Variants in POLA1 observed in about 807,000 individuals in gnomAD.
POLA1 encodes the protein DNA polymerase alpha catalytic subunit.
In POLA1, 15 loss-of-function variants were observed where a neutral mutation model predicts 124.0. The ratio of observed to expected loss-of-function variants is 0.12; its 90% CI spans 0.08 to 0.19. POLA1 has a LOEUF of 0.19. Ranked by LOEUF, POLA1 falls within the 10% of genes least tolerant of loss-of-function variation. The pLI, the probability that POLA1 is intolerant of heterozygous loss-of-function variation, is 1.00. For synonymous variants in POLA1, 408 were observed against 389.4 expected (o/e 1.05, Z -0.56); for missense variants, 886 against 1,103.4 (o/e 0.80, Z 2.79).
In POLA1 at chrX:24,784,059, CTTTTTTTT is replaced by C. The variant is rs11295214; in HGVS notation, c.2965-25825_2965-25818del. Among the ~76,000 whole-genome samples, 251 of 59,504 alleles carry C rather than the reference CTTTTTTTT, an allele frequency of 4.2e-3. 2 individuals carry two copies. The highest frequency in any genetic ancestry group is 0.017 in the African/African-American group (233 of 13,478). 51.7% of individuals were successfully genotyped at this position (59,504 alleles called of 115,157 possible). On this transcript the variant is annotated intron_variant, in intron 26 of 36. Coordinates refer to ENST00000379068, the MANE Select transcript of POLA1 (RefSeq NM_001330360.2). Reference sequence around the variant, plus strand: ...CATTTTATCTGCAAGATTTATATTTCTTTTTTTTTTTTTTTTTTTTTGAGATGGAGTCT... The same window carrying C: ...CATTTTATCTGCAAGATTTATATTTCTTTTTTTTTTTTTGAGATGGAGTCT...
At chrX:24,886,327 C>A (rs985023975) in intron 34 of POLA1, among the ~76,000 whole-genome samples, 19 of 111,262 alleles carry the variant, frequency 1.7e-4, no homozygotes, top group Non-Finnish European at 3.6e-4. Flanking sequence ...TCATTGAGAC[C>A]CTCCCTGTAC....
chrX:24,732,302 A>G, intron 15 of POLA1, 68 bp from the exon 16 acceptor site: 1 of 699,720 alleles, frequency 1.4e-6, no homozygotes, highest in Non-Finnish European at 2.3e-6. Flanking sequence ...ATTCTTGGTG[A>G]TTTTGGTGAG....
chrX:24,928,093 A>G (rs11573480), intron 35 of POLA1, among the ~76,000 whole-genome samples: 25,417 of 111,154 alleles, frequency 0.23, 2,144 homozygotes, highest in South Asian at 0.36. Flanking sequence ...TTTGTTTTCA[A>G]CCAGTTTACT....
chrX:24,899,343 T>C (rs952744640), intron 35 of POLA1, among the ~76,000 whole-genome samples: 4 of 112,144 alleles, frequency 3.6e-5, no homozygotes, highest in African/African-American at 1.3e-4. Context: ...TTTACAGTTA[T>C]AGCGGCAATT....
chrX:24,989,749 A>G (rs1171430675), intron 36 of POLA1, among the ~76,000 whole-genome samples: 1 of 98,579 alleles, frequency 1.0e-5, no homozygotes, highest in East Asian at 3.6e-4. Context: ...AGTAATAGCC[A>G]TGGGGGGTGG....
intron 26 of POLA1, among the ~76,000 whole-genome samples, chrX:24,774,743 C>T (rs1350840275): frequency 1.8e-5 from 2 of 112,478 alleles, no homozygotes; most frequent in African/African-American, 6.5e-5. Flanking sequence ...GGAGCCCAAC[C>T]AATTGCTTTT....
rs1339469277 is a variant in POLA1 at position 24,746,304 on chromosome X, A to G, written c.2691+762A>G. ...TTCTGTGGGACTAGTGGATACTTTT[A>G]CAGAGAAGATACTGGGTAGACATCC... On this transcript the variant is annotated intron_variant, in intron 24 of 36. Transcript: ENST00000379068. Among the ~76,000 whole-genome samples the G allele has an allele frequency of 8.1e-5, 9 of 111,387 alleles. No homozygotes were observed. In the Admixed American group the frequency reaches 8.6e-4, roughly 11 times the overall value.
At chrX:24,995,672 C>A in intron 36 of POLA1, 133 bp from the exon 37 acceptor site, 2 of 550,371 alleles carry the variant, frequency 3.6e-6, no homozygotes, top group African/African-American at 2.3e-5. Context: ...CTGCATCTGA[C>A]TGGCCCCAGG....
rs531238556 is a variant in POLA1, at chrX:24,886,540, C to T, written c.4048-1466C>T. On this transcript the variant is annotated intron_variant, in intron 34 of 36. Coordinates refer to ENST00000379068, the MANE Select transcript of POLA1 (RefSeq NM_001330360.2). ...AAGAACTGATTCTTGGTGCTTTCCC[C>T]TGAGTTTTGTTATAGCTACTTCCAG... Among the ~76,000 whole-genome samples, 43 of 111,588 alleles carry T rather than the reference C, an allele frequency of 3.9e-4. No individual in the cohort carries two copies. The South Asian group carries it at 0.015, about 40-fold the overall frequency.
At chrX:24,809,285 TTCTA>T (rs745588748) in intron 26 of POLA1, among the ~76,000 whole-genome samples, 55 of 111,678 alleles carry the variant, frequency 4.9e-4, no homozygotes, top group Non-Finnish European at 1.7e-4. Context: ...CAGTTTTTAT[TTCTA>T]TCCACGTTGT....
At chrX:24,936,810 C>T (rs552175510) in intron 36 of POLA1, among the ~76,000 whole-genome samples, 6 of 112,078 alleles carry the variant, frequency 5.4e-5, no homozygotes, top group East Asian at 2.8e-4. Context: ...GGATTACAGG[C>T]GTGAGCCACC....
intron 35 of POLA1, among the ~76,000 whole-genome samples, chrX:24,913,817 C>G (rs990272337): frequency 9.1e-6 from 1 of 110,297 alleles, no homozygotes; most frequent in South Asian, 3.9e-4. Context: ...CACCCAAGAT[C>G]GGGAGTTCGA....
intron 35 of POLA1, among the ~76,000 whole-genome samples, chrX:24,912,124 GTAGTCCTTTCAACAAGTGA>G (rs953587911): frequency 8.9e-6 from 1 of 112,404 alleles, no homozygotes; most frequent in Admixed American, 9.4e-5. Context: ...TGGAGAAGGG[GTAGTCCTTTCAACAAGTGA>G]TGATGGAAAA....
At chrX:24,965,639 G>A (rs2048212863) in intron 36 of POLA1, among the ~76,000 whole-genome samples, 1 of 111,977 alleles carries the variant, frequency 8.9e-6, no homozygotes, top group Admixed American at 9.5e-5. Context: ...TAGTTAGAAG[G>A]CCAGGTTCTG....
At chrX:24,852,347 G>C in intron 34 of POLA1, among the ~76,000 whole-genome samples, 1 of 108,093 alleles carries the variant, frequency 9.3e-6, no homozygotes, top group East Asian at 2.9e-4. Context: ...TTTCGCTCTT[G>C]TTGCCCAGGC....
intron 32 of POLA1, among the ~76,000 whole-genome samples, chrX:24,831,482 G>A (rs2046260168): frequency 9.1e-6 from 1 of 110,437 alleles, no homozygotes; most frequent in African/African-American, 3.3e-5. Flanking sequence ...GTGCAGTGGC[G>A]CTATCTCGGC....
At chrX:24,984,885 C>T (rs768045181) in intron 36 of POLA1, among the ~76,000 whole-genome samples, 76 of 110,320 alleles carry the variant, frequency 6.9e-4, no homozygotes, top group Middle Eastern at 4.6e-3. Context: ...TGGTCTCGAT[C>T]TCCTGACCTC....
At chrX:24,715,314 C>T in intron 6 of POLA1, 111 bp downstream of exon 6, 1 of 497,836 alleles carries the variant, frequency 2.0e-6, no homozygotes, top group Non-Finnish European at 3.4e-6. Context: ...TTTTTTGAAA[C>T]AGTAGCTTGC....
intron 36 of POLA1, among the ~76,000 whole-genome samples, chrX:24,991,585 TCAC>T (rs2048536358): frequency 8.9e-6 from 1 of 112,417 alleles, no homozygotes; most frequent in Non-Finnish European, 1.9e-5. Flanking sequence ...GGGTCACTGT[TCAC>T]CACCACCAGG....
Sources: allele counts gnomAD v4.1 joint callset (sites outside exome capture counted in the v4.1 genomes callset), GRCh38; gene constraint gnomAD v4.1.1; transcripts MANE v1.5; gene names NCBI Gene and HGNC (gene_info 2026-07-23, HGNC 2026-07-21).